IFT43: variants seen among roughly 807,000 people sequenced by gnomAD.
IFT43 encodes intraflagellar transport 43.
Under a neutral mutation model 32.3 loss-of-function variants are expected in IFT43, and 33 were observed. The ratio of observed to expected loss-of-function variants is 1.02; its 90% CI spans 0.77 to 1.37. The LOEUF is 1.37. Ranked by LOEUF, IFT43 falls within the 40% of genes most tolerant of loss-of-function variation. The pLI, the probability that IFT43 is intolerant of heterozygous loss-of-function variation, is 0.00. For missense variants in IFT43, 274 were observed against 265.9 expected, an observed-to-expected ratio of 1.03 and a Z score of -0.21; for synonymous variants, 93 against 98.2, an observed-to-expected ratio of 0.95 and a Z score of 0.31.
At chr14:76,079,071 G>A (rs2037461315) in intron 5 of IFT43, among the ~76,000 whole-genome samples, 1 of 152,204 alleles carries the variant, frequency 6.6e-6, no homozygotes, top group Non-Finnish European at 1.5e-5. Context: ...AAGCTGTCTC[G>A]ACCATGGGCA....
At chr14:76,053,088 T>C (rs2036945594) in intron 3 of IFT43, among the ~76,000 whole-genome samples, 1 of 151,992 alleles carries the variant, frequency 6.6e-6, no homozygotes, top group Non-Finnish European at 1.5e-5. Context: ...TCCTCCTCTG[T>C]GAAACAAAGA....
chr14:76,007,141 G>A (rs1313748837), intron 2 of IFT43, among the ~76,000 whole-genome samples: 2 of 152,140 alleles, frequency 1.3e-5, no homozygotes, highest in Non-Finnish European at 2.9e-5. Context: ...TTACAGGTGT[G>A]AGCCACTGCG....
intron 2 of IFT43, among the ~76,000 whole-genome samples, chr14:76,021,146 T>G (rs976122847): frequency 1.3e-5 from 2 of 151,798 alleles, no homozygotes; most frequent in African/African-American, 4.8e-5. Flanking sequence ...TGGTGGTGGG[T>G]GGGGTCAGCC....
At chr14:76,055,033 C>T (rs1293664263) in intron 3 of IFT43, among the ~76,000 whole-genome samples, 2 of 152,114 alleles carry the variant, frequency 1.3e-5, no homozygotes, top group Admixed American at 6.6e-5. Flanking sequence ...TGTTTTTAAC[C>T]TGTCACCAGT....
At chr14:75,986,772 G>A (rs1274599990) in intron 1 of IFT43, among the ~76,000 whole-genome samples, 2 of 152,132 alleles carry the variant, frequency 1.3e-5, no homozygotes, top group Non-Finnish European at 2.9e-5. Context: ...AAAAGATTGG[G>A]CCCCAGAGCA....
chr14:75,998,454 G>T (rs2035788663), intron 2 of IFT43, among the ~76,000 whole-genome samples: 1 of 152,208 alleles, frequency 6.6e-6, no homozygotes, highest in Non-Finnish European at 1.5e-5. Context: ...GCTTCTGACG[G>T]AAGTGGACGA....
At chr14:76,010,369 AC>A (rs2036060458) in intron 2 of IFT43, among the ~76,000 whole-genome samples, 2 of 152,224 alleles carry the variant, frequency 1.3e-5, no homozygotes, top group South Asian at 4.2e-4. Flanking sequence ...CCATGCTGGT[AC>A]CCTCCTCCAT....
chr14:75,989,798 C>T (rs77684241), intron 2 of IFT43, among the ~76,000 whole-genome samples: 1,533 of 152,264 alleles, frequency 0.01, 25 homozygotes, highest in African/African-American at 0.035. Flanking sequence ...AGGTTTGCAA[C>T]AGATGAAGAG....
At chr14:76,041,693 G>A (rs1342602821) in intron 3 of IFT43, among the ~76,000 whole-genome samples, 1 of 152,100 alleles carries the variant, frequency 6.6e-6, no homozygotes, top group Non-Finnish European at 1.5e-5. Context: ...AGTAATTACT[G>A]GAATAGTTTG....
chr14:76,037,375 C>T (rs144539832), intron 3 of IFT43, among the ~76,000 whole-genome samples: 54 of 152,302 alleles, frequency 3.5e-4, no homozygotes, highest in African/African-American at 1.3e-3. Flanking sequence ...GCCCATCAGA[C>T]TCCCCTCTCA....
chr14:76,082,552 C>A, intron 6 of IFT43, 65 bp from the exon 7 acceptor site: 1 of 1,588,088 alleles, frequency 6.3e-7, no homozygotes, highest in Non-Finnish European at 8.6e-7. Context: ...GGGACGGTGG[C>A]CCGGCAGCAC....
intron 2 of IFT43, among the ~76,000 whole-genome samples, chr14:76,018,523 C>T (rs1304896519): frequency 6.6e-6 from 1 of 152,010 alleles, no homozygotes; most frequent in Non-Finnish European, 1.5e-5. Context: ...GTGTGTTCTG[C>T]GGCTATTGGA....
At chr14:76,064,083 G>C (rs2140064685) in intron 5 of IFT43, among the ~76,000 whole-genome samples, 1 of 152,218 alleles carries the variant, frequency 6.6e-6, no homozygotes, top group South Asian at 2.1e-4. Flanking sequence ...CACACTCTAA[G>C]ATTTAGTAAG....
chr14:76,023,431 C>A (rs1177209791), intron 3 of IFT43, among the ~76,000 whole-genome samples: 2 of 152,194 alleles, frequency 1.3e-5, no homozygotes, highest in African/African-American at 4.8e-5. Context: ...AGACCCCAAG[C>A]AAGTAATTTA....
chr14:76,008,403 T>G (rs1392206048), intron 2 of IFT43, among the ~76,000 whole-genome samples: 1 of 152,228 alleles, frequency 6.6e-6, no homozygotes, highest in Admixed American at 6.5e-5. Flanking sequence ...TAATAGCCAC[T>G]GTTATCACTA....
At chr14:76,011,559 T>G (rs567476279) in intron 2 of IFT43, among the ~76,000 whole-genome samples, 1 of 152,344 alleles carries the variant, frequency 6.6e-6, no homozygotes, top group East Asian at 1.9e-4. Flanking sequence ...ATATATGGGT[T>G]GATTCTTTGG....
At chr14:75,999,275 ATATATATTT>A (rs1263494635) in intron 2 of IFT43, among the ~76,000 whole-genome samples, 5 of 18,394 alleles carry the variant, frequency 2.7e-4, no homozygotes, top group African/African-American at 1.0e-3. Context: ...ATATATATGT[ATATATATTT>A]TTTTTTTTTT....
At chr14:76,059,718 A>G (rs757501029) in intron 5 of IFT43, 9 of 369,476 alleles carry the variant, frequency 2.4e-5, no homozygotes, top group Non-Finnish European at 4.2e-5. Flanking sequence ...TAACATGGCC[A>G]ATATTTACTA....
chr14:76,067,292 A>G (rs1370252980), intron 5 of IFT43, among the ~76,000 whole-genome samples: 2 of 152,216 alleles, frequency 1.3e-5, no homozygotes, highest in African/African-American at 2.4e-5. Context: ...GAGGCCGGGT[A>G]CAGTGGCTCA....
Sources: gnomAD v4.1 joint callset for allele counts (sites outside exome capture counted in the v4.1 genomes callset) on GRCh38, gnomAD v4.1.1 for gene constraint, MANE v1.5 for transcripts, NCBI Gene and HGNC (gene_info 2026-07-23, HGNC 2026-07-21) for gene names.